Variants in LRBA observed in about 807,000 individuals in gnomAD.
LRBA encodes the protein lipopolysaccharide-responsive and beige-like anchor protein.
LRBA carries 176 observed loss-of-function variants against 330.0 expected under a neutral mutation model. The ratio of observed to expected loss-of-function variants is 0.53; its 90% CI spans 0.47 to 0.60. The LOEUF (loss-of-function observed/expected upper bound fraction) is 0.60. Ranked by LOEUF, LRBA falls within the 20% of genes least tolerant of loss-of-function variation. LRBA has a pLI of 0.00. For synonymous variants in LRBA, 1,230 were observed against 1,193.0 expected (o/e 1.03, Z -0.64); for missense variants, 3,259 against 3,444.8 (o/e 0.95, Z 1.35).
chr4:150,680,064 C>CA (rs1385724248), intron 37 of LRBA, among the ~76,000 whole-genome samples: 1 of 152,176 alleles, frequency 6.6e-6, no homozygotes, highest in Non-Finnish European at 1.5e-5. Flanking sequence ...CCCAAATAAA[C>CA]ACAATGCCTG....
In LRBA at chr4:150,716,644, TGAG is replaced by T. The variant is rs558452293; in HGVS notation, c.5754+18611_5754+18613del. 1.8e-4 allele frequency among the ~76,000 whole-genome samples: 28 copies of T among 152,204 alleles called. 1 individual carries two copies. In the South Asian group the frequency reaches 5.2e-3, roughly 28 times the overall value. On this transcript the variant is annotated intron_variant, in intron 36 of 56. Coordinates refer to ENST00000651943, the MANE Select transcript of LRBA (RefSeq NM_001364905.1). ...ACGTTTAAATTTAAAAATCGATCAA[TGAG>T]GAGAAAAGCAGCTACTTAAGAGGAA...
At chr4:150,885,220 A>G (rs76953541) in intron 17 of LRBA, among the ~76,000 whole-genome samples, 8,492 of 148,880 alleles carry the variant, frequency 0.057, 753 homozygotes, top group African/African-American at 0.19. Flanking sequence ...AAAAAAAGGC[A>G]CAGAAAAGAA....
chr4:150,573,220 T>C (rs1303517323), intron 40 of LRBA, among the ~76,000 whole-genome samples: 1 of 152,182 alleles, frequency 6.6e-6, no homozygotes, highest in East Asian at 1.9e-4. Flanking sequence ...CATTGCACTT[T>C]CACGCCAACA....
chr4:150,805,051 C>T (rs775114425), intron 33 of LRBA, among the ~76,000 whole-genome samples: 13 of 151,930 alleles, frequency 8.6e-5, no homozygotes, highest in Non-Finnish European at 1.6e-4. Flanking sequence ...AGAAATTATC[C>T]TCTATTGAAC....
At chr4:150,933,524 T>G (rs569699990) in intron 2 of LRBA, among the ~76,000 whole-genome samples, 1 of 152,176 alleles carries the variant, frequency 6.6e-6, no homozygotes, top group South Asian at 2.1e-4. Context: ...TAGGCTACAA[T>G]TTGAGTGTAA....
At chr4:150,835,969 C>T (rs7377889) in intron 28 of LRBA, among the ~76,000 whole-genome samples, 104,995 of 152,062 alleles carry the variant, frequency 0.69, 42,096 homozygotes, top group Non-Finnish European at 0.9. Flanking sequence ...TTTTGAGATA[C>T]GTCCCATCAA....
intron 2 of LRBA, among the ~76,000 whole-genome samples, chr4:150,932,321 A>T (rs1021686510): frequency 2.6e-5 from 4 of 152,006 alleles, no homozygotes; most frequent in African/African-American, 9.6e-5. Context: ...CTGAAAAAAA[A>T]TTTTTAAAAG....
intron 40 of LRBA, among the ~76,000 whole-genome samples, chr4:150,493,802 T>C (rs537183494): frequency 1.3e-4 from 20 of 152,326 alleles, no homozygotes; most frequent in African/African-American, 4.3e-4. Context: ...TAGTCCAATG[T>C]ATCCATAAGA....
chr4:150,678,346 C>T (rs1490424299), intron 37 of LRBA, among the ~76,000 whole-genome samples: 1 of 151,854 alleles, frequency 6.6e-6, no homozygotes, highest in Non-Finnish European at 1.5e-5. Context: ...CACAACTATA[C>T]TGTGACCATA....
At chr4:150,878,605 A>C (rs1728009803) in intron 17 of LRBA, among the ~76,000 whole-genome samples, 1 of 151,682 alleles carries the variant, frequency 6.6e-6, no homozygotes, top group Non-Finnish European at 1.5e-5. Context: ...CACTAGCTAG[A>C]TTAAAAAAAA....
intron 28 of LRBA, among the ~76,000 whole-genome samples, chr4:150,839,288 T>C (rs1270408690): frequency 5.3e-5 from 8 of 152,184 alleles, no homozygotes; most frequent in Admixed American, 5.2e-4. Flanking sequence ...ACAGTGTTGG[T>C]GGGACTGTAA....
At chr4:150,726,749 C>T (rs1729730907) in intron 36 of LRBA, among the ~76,000 whole-genome samples, 1 of 152,126 alleles carries the variant, frequency 6.6e-6, no homozygotes, top group African/African-American at 2.4e-5. Flanking sequence ...AATCACTTGC[C>T]TCCCTTGACA....
chr4:150,841,110 G>T, intron 28 of LRBA: 1 of 331,442 alleles, frequency 3.0e-6, no homozygotes, highest in Non-Finnish European at 5.4e-6. Flanking sequence ...CTTTTCTCTA[G>T]ACATACCCAT....
chr4:150,943,741 T>C lies in LRBA; in HGVS notation c.217-14676A>G, dbSNP rs546224772. Among the ~76,000 whole-genome samples the C allele has an allele frequency of 1.8e-3, 278 of 152,164 alleles. 1 individual carries two copies. The highest frequency in any genetic ancestry group is 6.5e-3 in the African/African-American group (270 of 41,520). ...AAGATTACTTTAGGAAAAAAGAAAA[T>C]ATGAGCAAATAAAATCACACTAACC... On this transcript the variant is annotated intron_variant, in intron 2 of 56. Coordinates refer to ENST00000651943, the MANE Select transcript of LRBA (RefSeq NM_001364905.1).
chr4:150,991,473 A>C (rs1335338815), intron 2 of LRBA, among the ~76,000 whole-genome samples: 1 of 152,270 alleles, frequency 6.6e-6, no homozygotes, highest in East Asian at 1.9e-4. Context: ...CTTCTCAGCA[A>C]AAATTAAAAA....
Position 150,555,006 on chromosome 4 carries a change from G to A in LRBA, c.6330+33042C>T, listed in dbSNP as rs150249213. On this transcript the variant is annotated intron_variant, in intron 40 of 56. Coordinates refer to ENST00000651943, the MANE Select transcript of LRBA (RefSeq NM_001364905.1). ...AAAAAGCTGGGGGAAGGAAGGATAC[G>A]ATAGTTGTAAGGGTTAGATAACTAC... Among the ~76,000 whole-genome samples the A allele has an allele frequency of 4.1e-3, 620 of 152,232 alleles. 2 individuals are homozygous for A. Among genetic ancestry groups the A allele is most frequent in the African/African-American group, 0.014 (582 of 41,548 alleles).
At chr4:150,330,848 G>A (rs74939228) in intron 48 of LRBA, among the ~76,000 whole-genome samples, 1 of 152,132 alleles carries the variant, frequency 6.6e-6, no homozygotes, top group South Asian at 2.1e-4. Context: ...CTGAGTGCCT[G>A]TTATATAGCA....
intron 33 of LRBA, among the ~76,000 whole-genome samples, chr4:150,798,818 T>C (rs1242403051): frequency 6.6e-6 from 1 of 152,180 alleles, no homozygotes; most frequent in Non-Finnish European, 1.5e-5. Context: ...AGTAGTTCAT[T>C]AGTATCTTAA....
At chr4:150,455,484 G>A (rs1264649428) in intron 44 of LRBA, among the ~76,000 whole-genome samples, 1 of 151,920 alleles carries the variant, frequency 6.6e-6, no homozygotes, top group East Asian at 1.9e-4. Context: ...CCTTTGTAGG[G>A]ACATGGATGA....
Sources: allele counts gnomAD v4.1 joint callset (sites outside exome capture counted in the v4.1 genomes callset), GRCh38; gene constraint gnomAD v4.1.1; transcripts MANE v1.5; gene names NCBI Gene and HGNC (gene_info 2026-07-23, HGNC 2026-07-21).